The following GNPTAB variants were observed in gnomAD, a reference collection of about 807,000 sequenced individuals.
The protein encoded by GNPTAB is N-acetylglucosamine-1-phosphate transferase subunits alpha and beta.
Under a neutral mutation model 136.6 loss-of-function variants are expected in GNPTAB, and 92 were observed. The observed-to-expected ratio is 0.67, with a 90% confidence interval of 0.57 to 0.80. GNPTAB has a LOEUF of 0.80. Among genes scored for constraint, GNPTAB ranks in the 30% least tolerant of loss-of-function variants. The probability of loss-of-function intolerance (pLI) is 0.00; values close to 1 mark genes in which losing one functional copy is unlikely to be tolerated. For synonymous variants in GNPTAB, 512 were observed against 535.1 expected (o/e 0.96, Z 0.60); for missense variants, 1,343 against 1,501.8 (o/e 0.89, Z 1.75).
chr12:101,806,729 C>T (rs1381015602), intron 1 of GNPTAB, among the ~76,000 whole-genome samples: 3 of 151,934 alleles, frequency 2.0e-5, no homozygotes, highest in Non-Finnish European at 2.9e-5. Flanking sequence ...ACTCAAAAAA[C>T]GAGAGAGGTC....
rs771724795 is a variant in GNPTAB at position 101,770,042 on chromosome 12, G to A, written c.1263C>T (p.Tyr421=). 3.1e-6 allele frequency: 5 copies of A among 1,613,942 alleles called. No individual in the cohort carries two copies. In the Admixed American group the frequency reaches 6.7e-5, roughly 22 times the overall value. ...TCACCTTCTGGCCTTTGGAGTGACTGTAAAAATCATCTGGCCAGACATCCT... is the reference window on the plus strand; with the variant it reads ...TCACCTTCTGGCCTTTGGAGTGACTATAAAAATCATCTGGCCAGACATCCT... ...FGKDVWPDDF[Y]SHSKGQKVYL... is the part of the protein sequence containing the mutation. The change falls in exon 10 of 21, where the codon TAC becomes TAT. Residue 421 remains tyrosine, a synonymous_variant. Transcript: ENST00000299314.
Position 101,764,481 on chromosome 12 carries a change from G to C in GNPTAB, c.2436C>G (p.Thr812=), listed in dbSNP as rs996507560. 2 of 1,613,564 alleles carry C rather than the reference G, an allele frequency of 1.2e-6. No homozygotes were observed. The highest frequency in any genetic ancestry group is 1.3e-5 in the African/African-American group (1 of 74,828). The change falls in exon 13 of 21, where the codon ACC becomes ACG. Residue 812 remains threonine, a synonymous_variant. Transcript: ENST00000299314. ...QGQNPPLDLE[T]TARFRVETHT... is the part of the protein sequence containing the mutation. Reference sequence around the variant, plus strand: ...GAGTTTCCACTCTAAATCTTGCTGTGGTCTCCAAGTCCAGGGGTGGATTCT... The same window carrying C: ...GAGTTTCCACTCTAAATCTTGCTGTCGTCTCCAAGTCCAGGGGTGGATTCT...
chr12:101,778,698 G>C (rs1953293864), intron 7 of GNPTAB: 1 of 152,292 alleles, frequency 6.6e-6, no homozygotes, highest in Non-Finnish European at 1.5e-5. Context: ...CCTGAGGTCA[G>C]GAGTTGGAGA....
At chr12:101,785,661 C>T in intron 5 of GNPTAB, 1 of 229,750 alleles carries the variant, frequency 4.4e-6, no homozygotes, top group South Asian at 7.1e-5. Flanking sequence ...ATCAATACTC[C>T]AGGTATGTTC....
At chr12:101,801,795 C>A (rs1467575657) in intron 1 of GNPTAB, among the ~76,000 whole-genome samples, 1 of 151,920 alleles carries the variant, frequency 6.6e-6, no homozygotes, top group Non-Finnish European at 1.5e-5. Context: ...GTAATTCCAG[C>A]ACTTTGCAAG....
At chr12:101,813,085 A>T (rs903491513) in intron 1 of GNPTAB, among the ~76,000 whole-genome samples, 1 of 151,550 alleles carries the variant, frequency 6.6e-6, no homozygotes, top group Non-Finnish European at 1.5e-5. Flanking sequence ...CTCCCGCCTC[A>T]GCCTCCCAAA....
intron 7 of GNPTAB, among the ~76,000 whole-genome samples, chr12:101,775,098 G>A (rs1953242177): frequency 6.6e-6 from 1 of 152,346 alleles, no homozygotes; most frequent in African/African-American, 2.4e-5. Flanking sequence ...GGTCTAAACT[G>A]TGAATGGTGC....
At chr12:101,756,552 C>A (rs886915154) in intron 18 of GNPTAB, 2 of 327,168 alleles carry the variant, frequency 6.1e-6, no homozygotes, top group African/African-American at 2.3e-5. Context: ...CCAGCTTGGA[C>A]AACAGAGTGA....
At chr12:101,769,949 G>C in intron 10 of GNPTAB, 72 bp downstream of exon 10, 2 of 1,358,116 alleles carry the variant, frequency 1.5e-6, no homozygotes, top group Non-Finnish European at 2.1e-6. Context: ...GACTACAGTA[G>C]TATGTGCACT....
intron 6 of GNPTAB, 26 bp downstream of exon 6, chr12:101,780,531 A>G (rs772693431): frequency 1.3e-6 from 2 of 1,499,734 alleles, no homozygotes; most frequent in East Asian, 2.3e-5. Flanking sequence ...TATTGTAAAA[A>G]TGCAATTAAA....
At chr12:101,823,019 AC>A (rs1376190032) in intron 1 of GNPTAB, among the ~76,000 whole-genome samples, 1 of 152,092 alleles carries the variant, frequency 6.6e-6, no homozygotes, top group African/African-American at 2.4e-5. Context: ...TCTAAAAGTA[AC>A]CCCTTTCTCC....
At chr12:101,793,865 T>TA (rs1869130966) in intron 2 of GNPTAB, among the ~76,000 whole-genome samples, 1 of 152,184 alleles carries the variant, frequency 6.6e-6, no homozygotes, top group South Asian at 2.1e-4. Context: ...TATTTAGAGA[T>TA]AGAGTCTTGC....
Position 101,770,159 on chromosome 12 carries a change from G to C in GNPTAB, c.1146C>G (p.Thr382=). The part of the protein sequence containing the change: ...DVFRNLSHLP[T]FSSPAIESHI... ...GACTTTCAATAGCAGGTGAACTAAAGGTAGGCAAGTGGCTCAAATTTCGAA... is the reference window on the plus strand; with the variant it reads ...GACTTTCAATAGCAGGTGAACTAAACGTAGGCAAGTGGCTCAAATTTCGAA... The change falls in exon 10 of 21, where the codon ACC becomes ACG. Residue 382 remains threonine (T), a synonymous_variant. Coordinates refer to ENST00000299314, the MANE Select transcript of GNPTAB (RefSeq NM_024312.5). 6.2e-7 allele frequency: 1 copy of C among 1,614,096 alleles called. No individual in the cohort carries two copies.
Position 101,796,664 on chromosome 12 carries a change from A to T in GNPTAB, c.203+13T>A. The T allele has an allele frequency of 6.4e-7, 1 of 1,553,050 alleles. No individual in the cohort carries two copies. Among genetic ancestry groups the T allele is most frequent in the Non-Finnish European group, 8.9e-7 (1 of 1,124,520 alleles). ...TAGGTCCAAATAATAGATTTCTCCA[A>T]AATAGATCTTACCGATTCTGAAAGG... is the stretch of plus-strand genomic sequence containing the variant. On this transcript the variant is annotated intron_variant, in intron 2 of 20. Transcript: ENST00000299314.
rs17724970 is a variant in GNPTAB at position 101,770,727 on chromosome 12, A to G, written c.934-142T>C. ...TGGAGTCCTAATTTTAAACATTACAAAAAATGCAAAAGATTCAGTATATAT... is the reference window on the plus strand; with the variant it reads ...TGGAGTCCTAATTTTAAACATTACAGAAAATGCAAAAGATTCAGTATATAT... On this transcript the variant is annotated intron_variant, in intron 8 of 20. Coordinates refer to ENST00000299314, the MANE Select transcript of GNPTAB (RefSeq NM_024312.5). 60,817 of 730,206 alleles carry G rather than the reference A, an allele frequency of 0.083. 3,192 individuals carry two copies. The highest frequency in any genetic ancestry group is 0.17 in the South Asian group (10,900 of 63,754). 45.2% of individuals were successfully genotyped at this position (730,206 alleles called of 1,614,324 possible).
chr12:101,813,696 C>T (rs981451320), intron 1 of GNPTAB, among the ~76,000 whole-genome samples: 4 of 152,260 alleles, frequency 2.6e-5, no homozygotes, highest in African/African-American at 9.6e-5. Flanking sequence ...ACCCCCTTAA[C>T]CTCTAAAAAT....
In GNPTAB at chr12:101,790,044, T is replaced by C. The variant is rs1401092080; in HGVS notation, c.217A>G (p.Met73Val). 8 of 1,614,212 alleles carry C rather than the reference T, an allele frequency of 5.0e-6. No homozygotes were observed. Among genetic ancestry groups the C allele is most frequent in the East Asian group, 4.5e-5 (2 of 44,890 alleles). ...KSFQNRLCLPMPIDVVYTWVN... is the reference protein window; with the variant it reads ...KSFQNRLCLPVPIDVVYTWVN... ...CAGGTGTAAACAACGTCAATCGGCA[T>C]GGGCAGACAAAGCCTAGGGCAAACC... Residue 73 changes from methionine (M) to valine (V), a missense_variant, in exon 3 of 21, where the codon ATG (methionine) becomes GTG (valine). Coordinates refer to ENST00000299314, the MANE Select transcript of GNPTAB (RefSeq NM_024312.5).
intron 1 of GNPTAB, among the ~76,000 whole-genome samples, chr12:101,806,368 T>C (rs1869933316): frequency 6.6e-6 from 1 of 152,008 alleles, no homozygotes; most frequent in South Asian, 2.1e-4. Flanking sequence ...GGCAAATCCA[T>C]AGAAACAGAA....
Position 101,792,845 on chromosome 12 carries a change from C to T in GNPTAB, c.204-2788G>A, listed in dbSNP as rs945087724. Among the ~76,000 whole-genome samples, 162 of 152,282 alleles carry T rather than the reference C, an allele frequency of 1.1e-3. 1 individual carries two copies. Among genetic ancestry groups the T allele is most frequent in the African/African-American group, 3.8e-3 (156 of 41,546 alleles). ...TAATTATTTCCTCTCTTTCCTACAC[C>T]TTCGGGCTCTCTCTCCCTACTGTAA... On this transcript the variant is annotated intron_variant, in intron 2 of 20. Transcript: ENST00000299314.
Sources: gnomAD v4.1 joint callset for allele counts (sites outside exome capture counted in the v4.1 genomes callset) on GRCh38, gnomAD v4.1.1 for gene constraint, MANE v1.5 for transcripts, NCBI Gene and HGNC (gene_info 2026-07-23, HGNC 2026-07-21) for gene names.